The following TSHZ2 variants were observed in gnomAD, a reference collection of about 807,000 sequenced individuals.
TSHZ2 encodes the protein teashirt homolog 2.
TSHZ2 carries 21 observed loss-of-function variants against 74.4 expected under a neutral mutation model. That is an observed-to-expected ratio of 0.28 (90% CI 0.20 to 0.41). TSHZ2 has a LOEUF of 0.41. TSHZ2 is among the 10% of genes least tolerant of loss of function. The probability of loss-of-function intolerance (pLI) is 1.00; values close to 1 mark genes in which losing one functional copy is unlikely to be tolerated. For missense variants in TSHZ2, 1,244 were observed against 1,293.5 expected, an observed-to-expected ratio of 0.96 and a Z score of 0.59; for synonymous variants, 540 against 515.3, an observed-to-expected ratio of 1.05 and a Z score of -0.65.
intron 1 of TSHZ2, among the ~76,000 whole-genome samples, chr20:53,024,005 G>C (rs1983343509): frequency 6.6e-6 from 1 of 151,950 alleles, no homozygotes. Context: ...CTAAAAACCA[G>C]CTCCAGGCTA....
chr20:53,313,238 C>T (rs1978865092), intron 2 of TSHZ2, among the ~76,000 whole-genome samples: 1 of 152,216 alleles, frequency 6.6e-6, no homozygotes, highest in South Asian at 2.1e-4. Flanking sequence ...CATGTAAATG[C>T]ATTTTCCACA....
At chr20:53,199,861 C>T (rs1988958096) in intron 1 of TSHZ2, among the ~76,000 whole-genome samples, 1 of 152,164 alleles carries the variant, frequency 6.6e-6, no homozygotes, top group Non-Finnish European at 1.5e-5. Context: ...TCTAATCTGT[C>T]AAGTGGGGAT....
At chr20:53,190,086 A>AATATATATATATATATATATATATATAT (rs544193424) in intron 1 of TSHZ2, among the ~76,000 whole-genome samples, 1 of 25,104 alleles carries the variant, frequency 4.0e-5, no homozygotes, top group Non-Finnish European at 1.0e-4. Flanking sequence ...CCCTGTCTCA[A>AATATATATATATATATATATATATATAT]ATATATATAT....
At chr20:52,973,401 TGGG>T in intron 1 of TSHZ2, 68 bp downstream of exon 1, 1 of 1,536,354 alleles carries the variant, frequency 6.5e-7, no homozygotes, top group South Asian at 1.2e-5. Context: ...TCCTTGCCCC[TGGG>T]TGCCCGGGGG....
chr20:53,352,232 C>CTTTTTTTTTTTTT (rs142220716), intron 2 of TSHZ2, among the ~76,000 whole-genome samples: 1 of 57,868 alleles, frequency 1.7e-5, no homozygotes, highest in Non-Finnish European at 3.1e-5. Flanking sequence ...CTCCTAAGCT[C>CTTTTTTTTTTTTT]TTTTTTTTTT....
chr20:53,256,679 T>C lies in TSHZ2; in HGVS notation c.*8+108T>C. 6.9e-7 allele frequency: 1 copy of C among 1,440,850 alleles called. No individual in the cohort carries two copies. Among genetic ancestry groups the C allele is most frequent in the South Asian group, 1.8e-5 (1 of 54,222 alleles). The allele number at this position is 1,440,850 out of a possible 1,614,324, so 89.3% of individuals were successfully genotyped here. On this transcript the variant is annotated intron_variant, in intron 2 of 2. Transcript: ENST00000371497. This position sits in a 1 kb window ranked among gnomAD's most constrained non-coding sequence, Gnocchi z 4.3. ...CATCTCCCAATGCCAAGCAGGATAGTAGCTTGCTGGAGTAGGATTTATTTT... is the reference window on the plus strand; with the variant it reads ...CATCTCCCAATGCCAAGCAGGATAGCAGCTTGCTGGAGTAGGATTTATTTT...
intron 2 of TSHZ2, among the ~76,000 whole-genome samples, chr20:53,339,874 C>T (rs1303025487): frequency 1.2e-4 from 19 of 152,166 alleles, no homozygotes; most frequent in Non-Finnish European, 2.8e-4. Flanking sequence ...TCTCCCCTTC[C>T]TCTGGAACAC....
At chr20:53,051,453 GCACGCACACA>G (rs1391827545) in intron 1 of TSHZ2, among the ~76,000 whole-genome samples, 8 of 103,066 alleles carry the variant, frequency 7.8e-5, no homozygotes, top group South Asian at 3.5e-4. Context: ...ACTCTGTGGC[GCACGCACACA>G]CACACACACA....
At chr20:53,346,818 C>A (rs1332062573) in intron 2 of TSHZ2, among the ~76,000 whole-genome samples, 1 of 152,236 alleles carries the variant, frequency 6.6e-6, no homozygotes, top group African/African-American at 2.4e-5. Context: ...AAACCTAGAT[C>A]TTATGGAAGC....
chr20:53,219,232 T>C (rs1218460216), intron 1 of TSHZ2, among the ~76,000 whole-genome samples: 1 of 152,198 alleles, frequency 6.6e-6, no homozygotes, highest in African/African-American at 2.4e-5. Flanking sequence ...GATGTCCTCA[T>C]CCATCCATTT....
At chr20:53,181,580 GC>G (rs1005755002) in intron 1 of TSHZ2, among the ~76,000 whole-genome samples, 1 of 152,134 alleles carries the variant, frequency 6.6e-6, no homozygotes, top group Non-Finnish European at 1.5e-5. Context: ...GGGGGTCGTT[GC>G]TTTTATTTAG....
At chr20:53,393,442 T>C (rs1982333124) in intron 2 of TSHZ2, among the ~76,000 whole-genome samples, 1 of 152,252 alleles carries the variant, frequency 6.6e-6, no homozygotes, top group African/African-American at 2.4e-5. Context: ...AGCTCACTTC[T>C]TTGTAAAACA....
At chr20:53,097,318 A>C (rs994108485) in intron 1 of TSHZ2, among the ~76,000 whole-genome samples, 2 of 152,176 alleles carry the variant, frequency 1.3e-5, no homozygotes, top group African/African-American at 4.8e-5. Context: ...TAAAAATAAG[A>C]AGGTACTTCC....
At chr20:53,031,383 G>T (rs1001648714) in intron 1 of TSHZ2, among the ~76,000 whole-genome samples, 20 of 152,068 alleles carry the variant, frequency 1.3e-4, no homozygotes, top group African/African-American at 4.6e-4. Flanking sequence ...AACAAAAAAG[G>T]GAAAAATTAC....
intron 2 of TSHZ2, among the ~76,000 whole-genome samples, chr20:53,273,903 C>T (rs1017199730): frequency 6.6e-6 from 1 of 152,190 alleles, no homozygotes; most frequent in African/African-American, 2.4e-5. Context: ...TACAACTGCT[C>T]TTCCCGAATC....
intron 1 of TSHZ2, among the ~76,000 whole-genome samples, chr20:53,207,858 CTTTTTTTTT>C (rs58457116): frequency 1.0e-5 from 1 of 96,698 alleles, no homozygotes; most frequent in Admixed American, 1.3e-4. Flanking sequence ...CATTGTTTTA[CTTTTTTTTT>C]TTTTTTTTTT....
rs186701480 is a variant in TSHZ2, at chr20:53,054,566, C to T, written c.40+81233C>T. 5.3e-5 allele frequency among the ~76,000 whole-genome samples: 8 copies of T among 152,354 alleles called. No homozygotes were observed. In the East Asian group the frequency reaches 1.2e-3, roughly 22 times the overall value. On this transcript the variant is annotated intron_variant, in intron 1 of 2. Coordinates refer to ENST00000371497, the MANE Select transcript of TSHZ2 (RefSeq NM_173485.6). ...CCTTCCATTGAAACATCTGAAACCT[C>T]ACATGCCCACAGAGTCCAGGCAAGT...
Position 53,255,004 on chromosome 20 carries a change from A to G in TSHZ2, c.1546A>G (p.Ile516Val), listed in dbSNP as rs1274781172. ...LEDGSKGGGD[I>V]LKSLENTVTT... Reference sequence around the variant, plus strand: ...AGATGGCTCAAAGGGTGGAGGGGACATTTTGAAATCTTTGGAAAATACTGT... The same window carrying G: ...AGATGGCTCAAAGGGTGGAGGGGACGTTTTGAAATCTTTGGAAAATACTGT... Residue 516 changes from isoleucine to valine, a missense_variant, in exon 2 of 3, where the codon ATT becomes GTT. By Grantham distance (29) the Ile-to-Val change is conservative. Around this residue, in one of 6 missense-constraint regions of TSHZ2, gnomAD observed 562 missense variants for 544.0 expected, o/e 1.03. Coordinates refer to ENST00000371497, the MANE Select transcript of TSHZ2 (RefSeq NM_173485.6). This position sits in a 1 kb window ranked among gnomAD's most constrained non-coding sequence, Gnocchi z 4.1. 1 of 1,614,228 alleles carries G rather than the reference A, an allele frequency of 6.2e-7. No individual in the cohort carries two copies. Among genetic ancestry groups the G allele is most frequent in the Non-Finnish European group, 8.5e-7 (1 of 1,180,040 alleles).
intron 1 of TSHZ2, among the ~76,000 whole-genome samples, chr20:53,185,082 G>A (rs16997720): frequency 0.093 from 14,162 of 152,192 alleles, 1,916 homozygotes; most frequent in African/African-American, 0.3. Context: ...TCAGGAACAC[G>A]TGTTTTATCC....
Sources: gnomAD v4.1 joint callset for allele counts (sites outside exome capture counted in the v4.1 genomes callset) on GRCh38, gnomAD v4.1.1 for gene constraint, gnomAD v4.1.1 regional missense constraint, Gnocchi (gnomAD v3.1) non-coding constraint, MANE v1.5 for transcripts, NCBI Gene and HGNC (gene_info 2026-07-23, HGNC 2026-07-21) for gene names.